Variants in TBX6 observed in about 807,000 individuals in gnomAD.
TBX6 encodes T-box transcription factor 6.
TBX6 carries 29 observed loss-of-function variants against 42.3 expected under a neutral mutation model. The observed-to-expected ratio is 0.69, with a 90% CI of 0.51 to 0.93. TBX6 has a LOEUF of 0.93. Ranked by LOEUF, TBX6 falls within the 40% of genes least tolerant of loss-of-function variation. The probability of loss-of-function intolerance (pLI) is 0.00; values close to 1 mark genes in which losing one functional copy is unlikely to be tolerated. For missense variants in TBX6, 569 were observed against 603.3 expected (o/e 0.94, Z 0.59); for synonymous variants, 249 against 245.1 (o/e 1.02, Z -0.15).
chr16:30,091,095 C>A lies in TBX6; in HGVS notation c.99G>T (p.Ala33=). The A allele has an allele frequency of 6.3e-7, 1 of 1,583,992 alleles. No homozygotes were observed. The highest frequency in any genetic ancestry group is 8.6e-7 in the Non-Finnish European group (1 of 1,165,820). ...GCTCACCGGGGTAGCGGTAGCCCTCCGCTAGGGCGGGTGGGAAGCTGGAGT... is the reference window on the plus strand; with the variant it reads ...GCTCACCGGGGTAGCGGTAGCCCTCAGCTAGGGCGGGTGGGAAGCTGGAGT... ...GADSSFPPAL[A]EGYRYPELDT... Residue 33 remains alanine (A), a synonymous_variant, in exon 2 of 9, where the codon GCG becomes GCT. Transcript: ENST00000395224.
intron 6 of TBX6, among the ~76,000 whole-genome samples, chr16:30,087,243 A>G (rs544322606): frequency 1.3e-5 from 2 of 152,084 alleles, no homozygotes; most frequent in East Asian, 3.9e-4. Context: ...TTAAAATTTG[A>G]GATGGGGTCT....
rs928797124 is a variant in TBX6, at chr16:30,086,476, G to A, written c.1097+36C>T. On this transcript the variant is annotated intron_variant, in intron 8 of 8. Coordinates refer to ENST00000395224, the MANE Select transcript of TBX6 (RefSeq NM_004608.4). This position sits in a 1 kb window ranked among gnomAD's most constrained non-coding sequence, Gnocchi z 4.6. ...GAGGGATGTCAGAGCAGGGCAGAGGGACCCGCAGCCCCGCCTGGTCCCCTG... is the reference window on the plus strand; with the variant it reads ...GAGGGATGTCAGAGCAGGGCAGAGGAACCCGCAGCCCCGCCTGGTCCCCTG... 3.4e-6 allele frequency: 5 copies of A among 1,486,254 alleles called. No homozygotes were observed. The highest frequency in any genetic ancestry group is 4.9e-5 in the East Asian group (2 of 40,518). 92.1% of individuals were successfully genotyped at this position (1,486,254 alleles called of 1,614,324 possible).
Position 30,085,931 on chromosome 16 carries a change from A to C in TBX6, c.*294T>G. On this transcript the variant is annotated 3_prime_UTR_variant, in exon 9 of 9. Coordinates refer to ENST00000395224, the MANE Select transcript of TBX6 (RefSeq NM_004608.4). Reference sequence around the variant, plus strand: ...CCAGAGCCCATGGGGAGGCCTGGTAAGTGGGGATGCTGGTCTGTGGCCCCA... The same window carrying C: ...CCAGAGCCCATGGGGAGGCCTGGTACGTGGGGATGCTGGTCTGTGGCCCCA... 7 of 405,464 alleles carry C rather than the reference A, an allele frequency of 1.7e-5. No individual in the cohort carries two copies. Among genetic ancestry groups the C allele is most frequent in the Non-Finnish European group, 3.1e-5 (7 of 225,460 alleles). 25.1% of individuals were successfully genotyped at this position (405,464 alleles called of 1,614,324 possible).
chr16:30,086,214 C>T lies in TBX6; in HGVS notation c.*11G>A, dbSNP rs1262882389. ...AGGTTTGTGATGGAGGCAGAGGGGC[C>T]CAGCAGTGGTTCAGTACATGGGTTT... is the stretch of plus-strand genomic sequence containing the variant. On this transcript the variant is annotated 3_prime_UTR_variant, in exon 9 of 9. Coordinates refer to ENST00000395224, the MANE Select transcript of TBX6 (RefSeq NM_004608.4). The surrounding 1 kb of genome is among the most constrained non-coding windows in gnomAD (Gnocchi z 4.6). 1 of 1,610,024 alleles carries T rather than the reference C, an allele frequency of 6.2e-7. No homozygotes were observed. The highest frequency in any genetic ancestry group is 1.7e-5 in the Admixed American group (1 of 59,598).
rs763914761 is a variant in TBX6 at position 30,086,888 on chromosome 16, G to T, written c.840-37C>A. On this transcript the variant is annotated intron_variant, in intron 6 of 8. Transcript: ENST00000395224. This position sits in a 1 kb window ranked among gnomAD's most constrained non-coding sequence, Gnocchi z 4.6. ...TGGTGGTGATGATGATGATGATGGTGATGGCCATGGTGATGGTAACAGTAC... is the reference window on the plus strand; with the variant it reads ...TGGTGGTGATGATGATGATGATGGTTATGGCCATGGTGATGGTAACAGTAC... 1 of 1,597,294 alleles carries T rather than the reference G, an allele frequency of 6.3e-7. No individual in the cohort carries two copies. Among genetic ancestry groups the T allele is most frequent in the Non-Finnish European group, 8.5e-7 (1 of 1,173,182 alleles).
rs907229294 is a variant in TBX6 at position 30,088,509 on chromosome 16, G to A, written c.839+36C>T. The A allele has an allele frequency of 2.0e-5, 33 of 1,613,822 alleles. No homozygotes were observed. Among genetic ancestry groups the A allele is most frequent in the Non-Finnish European group, 2.7e-5 (32 of 1,179,690 alleles). Reference sequence around the variant, plus strand: ...CACAGTGAGTGATTAATAAACATTTGTTGAATGCATGAACAAATGAATGAA... The same window carrying A: ...CACAGTGAGTGATTAATAAACATTTATTGAATGCATGAACAAATGAATGAA... On this transcript the variant is annotated intron_variant, in intron 6 of 8. Transcript: ENST00000395224. This position sits in a 1 kb window ranked among gnomAD's most constrained non-coding sequence, Gnocchi z 4.1.
In TBX6 at chr16:30,088,550, A is replaced by C. The variant is rs1308509439; in HGVS notation, c.834T>G (p.Cys278Trp). 1.2e-6 allele frequency: 2 copies of C among 1,614,088 alleles called. No individual in the cohort carries two copies. The highest frequency in any genetic ancestry group is 2.7e-5 in the African/African-American group (2 of 74,934). Residue 278 changes from cysteine (C) to tryptophan (W), a missense_variant, in exon 6 of 9, where the codon TGT becomes TGG. Cys to Trp is a radical substitution (Grantham distance 215). This residue lies in a region of TBX6 where 245 missense variants were observed against 227.4 expected (regional missense o/e 1.08). Coordinates refer to ENST00000395224, the MANE Select transcript of TBX6 (RefSeq NM_004608.4). The surrounding 1 kb of genome is among the most constrained non-coding windows in gnomAD (Gnocchi z 4.1). Reference protein sequence around the residue: ...AKGFRENGRNCKRERDARVKR... With the variant: ...AKGFRENGRNWKRERDARVKR... ...AATGAATGAACAACTCCCACCTCTT[A>C]CAGTTTCTGCCGTTCTCCCGGAAGC...
Position 30,088,633 on chromosome 16 carries a change from G to T in TBX6, c.769-18C>A, listed in dbSNP as rs749699705. ...TGTGTGATCTGGGGACACACATGCA[G>T]GGTCAAAGCAACTGCGGTCTGGGCA... On this transcript the variant is annotated intron_variant, in intron 5 of 8. Transcript: ENST00000395224. This position sits in a 1 kb window ranked among gnomAD's most constrained non-coding sequence, Gnocchi z 4.1. 4 of 1,614,066 alleles carry T rather than the reference G, an allele frequency of 2.5e-6. No individual in the cohort carries two copies. The highest frequency in any genetic ancestry group is 2.7e-5 in the African/African-American group (2 of 74,920).
Position 30,086,071 on chromosome 16 carries a change from G to A in TBX6, c.*154C>T, listed in dbSNP as rs543520660. 7 of 683,116 alleles carry A rather than the reference G, an allele frequency of 1.0e-5. No homozygotes were observed. Among genetic ancestry groups the A allele is most frequent in the Admixed American group, 7.0e-5 (2 of 28,578 alleles). 42.3% of individuals were successfully genotyped at this position (683,116 alleles called of 1,614,324 possible). On this transcript the variant is annotated 3_prime_UTR_variant, in exon 9 of 9. Coordinates refer to ENST00000395224, the MANE Select transcript of TBX6 (RefSeq NM_004608.4). This position sits in a 1 kb window ranked among gnomAD's most constrained non-coding sequence, Gnocchi z 4.6. ...AGGCTTTGAAGCCAGAGGGGGGTGG[G>A]AGTGAAATCAAGGTGTGAAGTTGAG...
chr16:30,087,898 CTTTTTTTTTTTTT>C (rs55866227), intron 6 of TBX6: 25 of 68,982 alleles, frequency 3.6e-4, no homozygotes, highest in African/African-American at 1.4e-3. Flanking sequence ...TCTTTTTTTT[CTTTTTTTTTTTTT>C]TTTTGAGACA....
chr16:30,090,648 A>T, intron 3 of TBX6, 110 bp downstream of exon 3: 1 of 1,102,914 alleles, frequency 9.1e-7, no homozygotes, highest in Non-Finnish European at 1.3e-6. Context: ...TTCTAGGCCT[A>T]GGCAGAGCTC....
At chr16:30,090,667 C>CG in intron 3 of TBX6, 91 bp downstream of exon 3, 1 of 1,332,052 alleles carries the variant, frequency 7.5e-7, no homozygotes, top group Non-Finnish European at 1.0e-6. Flanking sequence ...TCTAGCCCCT[C>CG]GGGAACCACC....
At position 30,086,317 on chromosome 16, in the gene TBX6, AGGGTACCGCCGGTGGAGCCGCT is replaced by A; in HGVS notation, c.1197_1218del (p.Ala400LeufsTer91). The A allele has an allele frequency of 6.2e-7, 1 of 1,608,850 alleles. No homozygotes were observed. Among genetic ancestry groups the A allele is most frequent in the East Asian group, 2.2e-5 (1 of 44,776 alleles). ...CCCCCTTGGAGAAAGTGCGGGGCAA[AGGGTACCGCCGGTGGAGCCGCT>A]GGGTACCCGGAGCCCCCTGACCCGT... On this transcript the variant is annotated frameshift_variant, in exon 9 of 9. Coordinates refer to ENST00000395224, the MANE Select transcript of TBX6 (RefSeq NM_004608.4). LOFTEE classifies it high-confidence loss of function. The surrounding 1 kb of genome is among the most constrained non-coding windows in gnomAD (Gnocchi z 4.6).
intron 3 of TBX6, 33 bp downstream of exon 3, chr16:30,090,725 C>A (rs2072708284): frequency 6.3e-7 from 1 of 1,598,238 alleles, no homozygotes; most frequent in Non-Finnish European, 8.5e-7. Context: ...AAGAGACCCC[C>A]ACCAGAAACA....
rs369388722 is a variant in TBX6 at position 30,088,975 on chromosome 16, G to A, written c.589C>T (p.Leu197Phe). ...TGGGGGTCCAGCGTGCTGTTGGTGA[G>A]CTTGACACGATGGAAAGACACAGGC... ...RQPVSFHRVK[L>F]TNSTLDPHGH... is the part of the protein sequence containing the mutation. The change falls in exon 4 of 9, where the codon CTC becomes TTC. Residue 197 changes from leucine to phenylalanine, a missense_variant. Leu to Phe is a conservative substitution (Grantham distance 22). Around this residue, in one of 3 missense-constraint regions of TBX6, gnomAD observed 190 missense variants for 250.6 expected, o/e 0.76. Transcript: ENST00000395224. The surrounding 1 kb of genome is among the most constrained non-coding windows in gnomAD (Gnocchi z 4.1). The A allele has an allele frequency of 6.2e-7, 1 of 1,612,998 alleles. No individual in the cohort carries two copies. Among genetic ancestry groups the A allele is most frequent in the Non-Finnish European group, 8.5e-7 (1 of 1,179,214 alleles).
At chr16:30,091,042 A>T (rs778060518) in intron 2 of TBX6, 34 bp downstream of exon 2, 87 of 1,592,464 alleles carry the variant, frequency 5.5e-5, no homozygotes, top group Non-Finnish European at 7.3e-5. Context: ...CAGCCCCCCT[A>T]TTCTCCTACC....
chr16:30,088,336 C>T lies in TBX6; in HGVS notation c.839+209G>A, dbSNP rs1459724963. The T allele has an allele frequency of 1.2e-5, 8 of 661,924 alleles. No individual in the cohort carries two copies. Among genetic ancestry groups the T allele is most frequent in the Admixed American group, 2.5e-5 (1 of 39,702 alleles). 41.0% of individuals were successfully genotyped at this position (661,924 alleles called of 1,614,324 possible). ...CACTAGAAATCAGCTGCATGAGGGC[C>T]GGGGCTTTGGTTTGCTTTGTTTGTT... On this transcript the variant is annotated intron_variant, in intron 6 of 8. Coordinates refer to ENST00000395224, the MANE Select transcript of TBX6 (RefSeq NM_004608.4). This position sits in a 1 kb window ranked among gnomAD's most constrained non-coding sequence, Gnocchi z 4.1.
rs1309466302 is a variant in TBX6, at chr16:30,086,499, CT to C, written c.1097+12del. 1.3e-6 allele frequency: 2 copies of C among 1,493,234 alleles called. No individual in the cohort carries two copies. The highest frequency in any genetic ancestry group is 5.4e-5 in the Admixed American group (2 of 37,170). 92.5% of individuals were successfully genotyped at this position (1,493,234 alleles called of 1,614,324 possible). A position where few individuals can be genotyped will look rare whatever the true frequency, so the allele number is the denominator to read the frequency against. The stretch of plus-strand genomic sequence containing the variant: ...GGGACCCGCAGCCCCGCCTGGTCCC[CT>C]GTCCCACTCACCTGGTGGGAAGGTG... On this transcript the variant is annotated intron_variant, in intron 8 of 8. Coordinates refer to ENST00000395224, the MANE Select transcript of TBX6 (RefSeq NM_004608.4). The surrounding 1 kb of genome is among the most constrained non-coding windows in gnomAD (Gnocchi z 4.6).
rs1372801961 is a variant in TBX6, at chr16:30,090,672, A to G, written c.353+86T>C. ...TAGGCAGAGCTCTAGCCCCTCGGGA[A>G]CCACCCAGTCCTAGCCCCCTCCCCA... On this transcript the variant is annotated intron_variant, in intron 3 of 8. Coordinates refer to ENST00000395224, the MANE Select transcript of TBX6 (RefSeq NM_004608.4). 3.4e-5 allele frequency: 46 copies of G among 1,362,892 alleles called. No individual in the cohort carries two copies. The East Asian group carries it at 1.1e-3, about 31-fold the overall frequency. 84.4% of individuals were successfully genotyped at this position (1,362,892 alleles called of 1,614,324 possible). A position where few individuals can be genotyped will look rare whatever the true frequency, so the allele number is the denominator to read the frequency against.
Sources: gnomAD v4.1 joint callset for allele counts (sites outside exome capture counted in the v4.1 genomes callset) on GRCh38, gnomAD v4.1.1 for gene constraint, gnomAD v4.1.1 regional missense constraint, Gnocchi (gnomAD v3.1) non-coding constraint, MANE v1.5 for transcripts, NCBI Gene and HGNC (gene_info 2026-07-23, HGNC 2026-07-21) for gene names.